The following CAMK2A variants were observed in gnomAD, a reference collection of about 807,000 sequenced individuals.
CAMK2A encodes the protein calcium/calmodulin-dependent protein kinase type II subunit alpha.
A neutral mutation model predicts 79.2 loss-of-function variants in CAMK2A; 7 were observed. The ratio of observed to expected loss-of-function variants is 0.09; its 90% CI spans 0.05 to 0.17. The LOEUF is 0.17. CAMK2A is among the 10% of genes least tolerant of loss of function. The probability of loss-of-function intolerance (pLI) is 1.00; values close to 1 mark genes in which losing one functional copy is unlikely to be tolerated. For synonymous variants in CAMK2A, 242 were observed against 251.7 expected, an observed-to-expected ratio of 0.96 and a Z score of 0.36; for missense variants, 214 against 646.4, an observed-to-expected ratio of 0.33 and a Z score of 7.25.
rs1757578151 is a variant in CAMK2A at position 150,289,613 on chromosome 5, T to G, written c.13A>C (p.Thr5Pro). 6 of 1,613,886 alleles carry G rather than the reference T, an allele frequency of 3.7e-6. No individual in the cohort carries two copies. Among genetic ancestry groups the G allele is most frequent in the Non-Finnish European group, 5.1e-6 (6 of 1,179,890 alleles). MATI[T>P]CTRFTEEYQL... ...TACTCTTCCGTGAAGCGGGTGCAGG[T>G]GATGGTGGCCATCCTGGCGCTGGGC... Residue 5 changes from threonine (T) to proline (P), a missense_variant, in exon 1 of 19, where the codon ACC becomes CCC. Physicochemically the swap from Thr to Pro is conservative, Grantham distance 38 (BLOSUM62 -1). This residue lies in a region of CAMK2A where 72 missense variants were observed against 333.9 expected (regional missense o/e 0.22). Coordinates refer to ENST00000671881, the MANE Select transcript of CAMK2A (RefSeq NM_015981.4).
At chr5:150,282,212 C>A (rs1392111187) in intron 1 of CAMK2A, among the ~76,000 whole-genome samples, 1 of 152,098 alleles carries the variant, frequency 6.6e-6, no homozygotes, top group East Asian at 1.9e-4. Flanking sequence ...TCCCACACTG[C>A]CCCCCGCCCC....
In CAMK2A at chr5:150,223,103, G is replaced by C. The variant is rs760949012; in HGVS notation, c.1352C>G (p.Ala451Gly). The C allele has an allele frequency of 6.2e-7, 1 of 1,614,188 alleles. No homozygotes were observed. The highest frequency in any genetic ancestry group is 1.1e-5 in the South Asian group (1 of 91,086). ...CTGGGCGGTGCGTGGGATGCCGCCAGCGTCCAGGTACTGCGTGATGCGGAT... is the reference window on the plus strand; with the variant it reads ...CTGGGCGGTGCGTGGGATGCCGCCACCGTCCAGGTACTGCGTGATGCGGAT... ...AYIRITQYLD[A>G]GGIPRTAQSE... Residue 451 changes from alanine (A) to glycine (G), a missense_variant, in exon 18 of 19, where the codon GCT becomes GGT. This residue lies in a region of CAMK2A where 123 missense variants were observed against 242.4 expected (regional missense o/e 0.51). Transcript: ENST00000671881. This position sits in a 1 kb window ranked among gnomAD's most constrained non-coding sequence, Gnocchi z 4.1.
chr5:150,274,990 G>A (rs563137564), intron 1 of CAMK2A, among the ~76,000 whole-genome samples: 20 of 152,394 alleles, frequency 1.3e-4, no homozygotes, highest in Admixed American at 2.6e-4. Flanking sequence ...CTGCAGGCTA[G>A]CACAGATGCC....
chr5:150,222,614 A>G lies in CAMK2A; in HGVS notation c.*96T>C. On this transcript the variant is annotated 3_prime_UTR_variant, in exon 19 of 19. Coordinates refer to ENST00000671881, the MANE Select transcript of CAMK2A (RefSeq NM_015981.4). ...GGTGGTGGGGTGATGACATGGGAGA[A>G]TTCCAGCAAAATCCACCTGGGAGAA... 2 of 1,394,706 alleles carry G rather than the reference A, an allele frequency of 1.4e-6. No individual in the cohort carries two copies. Among genetic ancestry groups the G allele is most frequent in the Non-Finnish European group, 1.0e-6 (1 of 982,896 alleles). 86.4% of individuals were successfully genotyped at this position (1,394,706 alleles called of 1,614,324 possible). A position where few individuals can be genotyped will look rare whatever the true frequency, so the allele number is the denominator to read the frequency against.
At chr5:150,247,167 C>T (rs74589596) in intron 12 of CAMK2A, among the ~76,000 whole-genome samples, 8,569 of 152,364 alleles carry the variant, frequency 0.056, 510 homozygotes, top group African/African-American at 0.15. Flanking sequence ...GACGCTCCTG[C>T]CCTGGACTCA....
chr5:150,238,248 G>T (rs11958500), intron 15 of CAMK2A: 20,678 of 168,016 alleles, frequency 0.12, 4,614 homozygotes, highest in African/African-American at 0.47. Context: ...GTCAGCAGTT[G>T]GAGACCAGCC....
At chr5:150,224,923 G>A (rs1032105201) in intron 17 of CAMK2A, among the ~76,000 whole-genome samples, 1 of 152,104 alleles carries the variant, frequency 6.6e-6, no homozygotes, top group African/African-American at 2.4e-5. Context: ...CAGTTTAGGA[G>A]ACTGAGGCAG....
chr5:150,270,723 C>G (rs1324418633), intron 2 of CAMK2A, among the ~76,000 whole-genome samples: 1 of 152,150 alleles, frequency 6.6e-6, no homozygotes, highest in Non-Finnish European at 1.5e-5. Context: ...CCCTGATAAC[C>G]TCCCCACCCC....
At chr5:150,244,242 A>C (rs1755464869) in intron 13 of CAMK2A, among the ~76,000 whole-genome samples, 1 of 152,224 alleles carries the variant, frequency 6.6e-6, no homozygotes, top group African/African-American at 2.4e-5. Flanking sequence ...GGCCTTGGAC[A>C]TCTAGCCCAG....
chr5:150,279,467 A>G (rs886482505), intron 1 of CAMK2A, among the ~76,000 whole-genome samples: 13 of 152,242 alleles, frequency 8.5e-5, no homozygotes, highest in Admixed American at 2.0e-4. Flanking sequence ...CAAGGATTCA[A>G]TGAGATAATA....
rs942558966 is a variant in CAMK2A, at chr5:150,256,388, G to T, written c.411+185C>A. 1.1e-4 allele frequency among the ~76,000 whole-genome samples: 17 copies of T among 152,290 alleles called. No individual in the cohort carries two copies. The South Asian group carries it at 3.5e-3, about 32-fold the overall frequency. ...GAAGAGCAGGGGCCCAAACACAGAC[G>T]CTCTACCTTCCTGAGCTCTGCTTCC... On this transcript the variant is annotated intron_variant, in intron 6 of 18. Coordinates refer to ENST00000671881, the MANE Select transcript of CAMK2A (RefSeq NM_015981.4). This position sits in a 1 kb window ranked among gnomAD's most constrained non-coding sequence, Gnocchi z 4.6.
intron 1 of CAMK2A, among the ~76,000 whole-genome samples, chr5:150,278,046 C>T (rs779163146): frequency 2.1e-4 from 32 of 152,224 alleles, no homozygotes; most frequent in Non-Finnish European, 4.4e-4. Context: ...AATCCTAGCT[C>T]ACCCCCAACT....
At chr5:150,241,313 CCCTTCCCCTCT>C (rs1049738309) in intron 13 of CAMK2A, among the ~76,000 whole-genome samples, 1 of 151,870 alleles carries the variant, frequency 6.6e-6, no homozygotes, top group African/African-American at 2.4e-5. Context: ...CTCCCCGATT[CCCTTCCCCTCT>C]CCTCCCTCCT....
intron 16 of CAMK2A, among the ~76,000 whole-genome samples, chr5:150,230,153 A>G (rs1754775457): frequency 6.6e-6 from 1 of 152,032 alleles, no homozygotes; most frequent in African/African-American, 2.4e-5. Flanking sequence ...CCCCGTCTCT[A>G]CTAAAAATAC....
In CAMK2A at chr5:150,220,420, G is replaced by C. The variant is rs964434968; in HGVS notation, c.*2290C>G. Reference sequence around the variant, plus strand: ...AGGAGTCCAGCCAGTGACTATCCCTGCCAGTTCCTGCAGGTAAATTAGGCT... The same window carrying C: ...AGGAGTCCAGCCAGTGACTATCCCTCCCAGTTCCTGCAGGTAAATTAGGCT... On this transcript the variant is annotated 3_prime_UTR_variant, in exon 19 of 19. Transcript: ENST00000671881. 1 of 152,374 alleles carries C rather than the reference G, an allele frequency of 6.6e-6. No homozygotes were observed. Among genetic ancestry groups the C allele is most frequent in the Non-Finnish European group, 1.5e-5 (1 of 68,038 alleles). The allele number at this position is 152,374 out of a possible 1,614,324, so 9.4% of individuals were successfully genotyped here.
chr5:150,276,250 T>C (rs1264985923), intron 1 of CAMK2A, among the ~76,000 whole-genome samples: 2 of 152,174 alleles, frequency 1.3e-5, no homozygotes, highest in East Asian at 1.9e-4. Context: ...CTAACTTAGA[T>C]TGGTGGCGGC....
chr5:150,225,420 T>G (rs1366785584), intron 17 of CAMK2A, among the ~76,000 whole-genome samples: 1 of 152,170 alleles, frequency 6.6e-6, no homozygotes, highest in Non-Finnish European at 1.5e-5. Flanking sequence ...TCTGCCCTTG[T>G]GGGTTCAGCC....
Position 150,260,458 on chromosome 5 carries a change from C to CAA in CAMK2A, c.218-2843_218-2842dup, listed in dbSNP as rs11374999. On this transcript the variant is annotated intron_variant, in intron 3 of 18. Transcript: ENST00000671881. ...TGGGTGACAGGGTGAGAGTCCGTCT[C>CAA]AAAAAAAAAAAAAAAAAAGTGTAAA... Among the ~76,000 whole-genome samples the CAA allele has an allele frequency of 5.6e-3, 641 of 115,432 alleles. 5 individuals carry two copies. Among genetic ancestry groups the CAA allele is most frequent in the African/African-American group, 0.016 (504 of 32,106 alleles). 75.7% of individuals were successfully genotyped at this position (115,432 alleles called of 152,430 possible).
intron 2 of CAMK2A, 98 bp from the exon 3 acceptor site, chr5:150,265,113 GCAGC>G (rs1169678873): frequency 3.3e-6 from 3 of 918,888 alleles, no homozygotes; most frequent in Non-Finnish European, 5.3e-6. Context: ...ACCTCCCAGG[GCAGC>G]CCCTGGGGGC....
Sources: allele counts gnomAD v4.1 joint callset (sites outside exome capture counted in the v4.1 genomes callset), GRCh38; gene constraint gnomAD v4.1.1; regional missense constraint gnomAD v4.1.1; non-coding constraint Gnocchi (gnomAD v3.1); transcripts MANE v1.5; gene names NCBI Gene and HGNC (gene_info 2026-07-23, HGNC 2026-07-21).